The following L3MBTL4 variants were observed in gnomAD, a reference collection of about 807,000 sequenced individuals.
The protein encoded by L3MBTL4 is L3MBTL histone methyl-lysine binding protein 4.
Under a neutral mutation model 84.5 loss-of-function variants are expected in L3MBTL4, and 70 were observed. The observed-to-expected ratio is 0.83, with a 90% CI of 0.68 to 1.01. L3MBTL4 has a LOEUF of 1.01. L3MBTL4 is among the 50% of genes least tolerant of loss of function. The probability of loss-of-function intolerance (pLI) is 0.00; values close to 1 mark genes in which losing one functional copy is unlikely to be tolerated. For missense variants in L3MBTL4, 715 were observed against 754.8 expected, an observed-to-expected ratio of 0.95 and a Z score of 0.62; for synonymous variants, 274 against 259.8, an observed-to-expected ratio of 1.05 and a Z score of -0.52.
chr18:5,976,052 G>A (rs1392696878), intron 16 of L3MBTL4, among the ~76,000 whole-genome samples: 3 of 152,158 alleles, frequency 2.0e-5, no homozygotes, highest in Admixed American at 1.3e-4. Flanking sequence ...GTGGGCTATC[G>A]AGAGGGTTAG....
intron 12 of L3MBTL4, among the ~76,000 whole-genome samples, chr18:6,202,126 TG>T (rs1157537160): frequency 6.6e-6 from 1 of 152,208 alleles, no homozygotes; most frequent in African/African-American, 2.4e-5. Context: ...CAGCTGTTTC[TG>T]TACCTCCCTT....
At chr18:6,258,351 A>G (rs1212888078) in intron 5 of L3MBTL4, among the ~76,000 whole-genome samples, 1 of 152,224 alleles carries the variant, frequency 6.6e-6, no homozygotes, top group Non-Finnish European at 1.5e-5. Context: ...CCTACTCAGC[A>G]GTGCTTGGCA....
intron 14 of L3MBTL4, among the ~76,000 whole-genome samples, chr18:6,101,887 T>C (rs1010922540): frequency 4.6e-5 from 7 of 152,184 alleles, no homozygotes; most frequent in Non-Finnish European, 8.8e-5. Flanking sequence ...TATGTGCCCT[T>C]AGACCGAAGT....
At chr18:6,228,288 C>T (rs1224601727) in intron 10 of L3MBTL4, among the ~76,000 whole-genome samples, 2 of 152,084 alleles carry the variant, frequency 1.3e-5, no homozygotes, top group Non-Finnish European at 2.9e-5. Context: ...GTAAAACTCA[C>T]AAATATAAAA....
chr18:5,972,697 C>G (rs2052697401), intron 16 of L3MBTL4, among the ~76,000 whole-genome samples: 1 of 152,056 alleles, frequency 6.6e-6, no homozygotes, highest in African/African-American at 2.4e-5. Flanking sequence ...ATAGTCAGGT[C>G]TAGCTGAAAA....
chr18:6,008,274 G>C (rs537123969), intron 16 of L3MBTL4, among the ~76,000 whole-genome samples: 2 of 152,168 alleles, frequency 1.3e-5, no homozygotes, highest in Non-Finnish European at 2.9e-5. Flanking sequence ...TCTGCAGGAA[G>C]GCTGTGACCT....
Position 6,055,406 on chromosome 18 carries a change from C to A in L3MBTL4, c.1444+25475G>T, listed in dbSNP as rs149939752. On this transcript the variant is annotated intron_variant, in intron 16 of 18. Coordinates refer to ENST00000317931, the MANE Select transcript of L3MBTL4 (RefSeq NM_001330559.2). ...TGGGATAGAGGTGTAGGGTTCTATG[C>A]CCCAACCGTTAAGAGGAAGAACCAT... 6.6e-5 allele frequency among the ~76,000 whole-genome samples: 10 copies of A among 152,246 alleles called. No homozygotes were observed. The East Asian group carries it at 1.9e-3, about 29-fold the overall frequency.
In L3MBTL4 at chr18:6,295,058, G is replaced by A. The variant is rs546993922; in HGVS notation, c.127+6845C>T. ...GGAAGCCATTGTGGACAGTTCACGA[G>A]GTCAAGAGTTTGAGACCAGGCTGGA... On this transcript the variant is annotated intron_variant, in intron 4 of 18. Transcript: ENST00000317931. Among the ~76,000 whole-genome samples, 5 of 152,162 alleles carry A rather than the reference G, an allele frequency of 3.3e-5. No homozygotes were observed. In the South Asian group the frequency reaches 1.0e-3, roughly 32 times the overall value.
At chr18:6,370,609 C>T (rs187700519) in intron 1 of L3MBTL4, among the ~76,000 whole-genome samples, 2 of 152,316 alleles carry the variant, frequency 1.3e-5, no homozygotes, top group Admixed American at 6.5e-5. Context: ...ATCACACCCA[C>T]TACTGGTGGC....
intron 14 of L3MBTL4, among the ~76,000 whole-genome samples, chr18:6,103,911 G>A (rs889920683): frequency 5.3e-5 from 8 of 152,276 alleles, no homozygotes; most frequent in Middle Eastern, 3.4e-3. Context: ...TCAACTGCCT[G>A]GGCCGAGTGT....
intron 18 of L3MBTL4, 96 bp from the exon 19 acceptor site, chr18:5,956,483 C>A: frequency 9.0e-7 from 1 of 1,115,970 alleles, no homozygotes; most frequent in Non-Finnish European, 1.3e-6. Context: ...ATGTGGAACC[C>A]GTCATAGCCT....
intron 12 of L3MBTL4, among the ~76,000 whole-genome samples, chr18:6,198,999 T>C (rs1461947626): frequency 1.3e-5 from 2 of 152,198 alleles, no homozygotes; most frequent in Admixed American, 6.5e-5. Flanking sequence ...GTTTAACCAA[T>C]TTCTCCCCAC....
intron 16 of L3MBTL4, among the ~76,000 whole-genome samples, chr18:6,050,979 G>A (rs1271188667): frequency 6.6e-6 from 1 of 152,164 alleles, no homozygotes; most frequent in Admixed American, 6.5e-5. Context: ...GGTGCTGGTG[G>A]CAGCTGCCGC....
Position 6,237,951 on chromosome 18 carries a change from G to T in L3MBTL4, c.784+13C>A. ...AGAGATGACTTCAAAGAAAACCCAG[G>T]CAGTCCACTCACCTTGGGGTGCTAT... On this transcript the variant is annotated intron_variant, in intron 10 of 18. Coordinates refer to ENST00000317931, the MANE Select transcript of L3MBTL4 (RefSeq NM_001330559.2). 2 of 1,611,356 alleles carry T rather than the reference G, an allele frequency of 1.2e-6. No individual in the cohort carries two copies. Among genetic ancestry groups the T allele is most frequent in the Non-Finnish European group, 1.7e-6 (2 of 1,177,546 alleles).
chr18:6,065,205 G>C (rs934288877), intron 16 of L3MBTL4, among the ~76,000 whole-genome samples: 2 of 151,960 alleles, frequency 1.3e-5, no homozygotes, highest in Non-Finnish European at 2.9e-5. Flanking sequence ...AAATCTACTT[G>C]ATCATAATGT....
At chr18:6,240,679 G>T (rs992537575) in intron 8 of L3MBTL4, among the ~76,000 whole-genome samples, 1 of 152,070 alleles carries the variant, frequency 6.6e-6, no homozygotes, top group Non-Finnish European at 1.5e-5. Context: ...TATTTTTACA[G>T]CAACTTCACG....
intron 14 of L3MBTL4, among the ~76,000 whole-genome samples, chr18:6,124,432 TATTATATATATGTATATATAAAA>T (rs1045836354): frequency 8.5e-4 from 126 of 148,272 alleles, no homozygotes; most frequent in African/African-American, 2.8e-3. Flanking sequence ...ACAGTTATAT[TATTATATATATGTATATATAAAA>T]ATTATATATA....
rs1470944178 is a variant in L3MBTL4, at chr18:6,093,431, A to G, written c.1297T>C (p.Ser433Pro). ...EQTQANLESD[S>P]SHSKSKSLCS... Reference sequence around the variant, plus strand: ...AGGCTTTTTGATTTTGAATGTGAAGAGTCTGATTCCAAATTTGCCTGTGTT... The same window carrying G: ...AGGCTTTTTGATTTTGAATGTGAAGGGTCTGATTCCAAATTTGCCTGTGTT... The change falls in exon 15 of 19, where the codon TCT becomes CCT. Residue 433 changes from serine (S) to proline (P), a missense_variant. Transcript: ENST00000317931. 1.2e-6 allele frequency: 2 copies of G among 1,614,052 alleles called. No homozygotes were observed. The highest frequency in any genetic ancestry group is 1.7e-6 in the Non-Finnish European group (2 of 1,179,966).
intron 1 of L3MBTL4, among the ~76,000 whole-genome samples, chr18:6,339,076 T>C (rs2052481242): frequency 6.6e-6 from 1 of 152,154 alleles, no homozygotes; most frequent in African/African-American, 2.4e-5. Flanking sequence ...TCACTATCAA[T>C]AGCTTATAAA....
Sources: gnomAD v4.1 joint callset for allele counts (sites outside exome capture counted in the v4.1 genomes callset) on GRCh38, gnomAD v4.1.1 for gene constraint, MANE v1.5 for transcripts, NCBI Gene and HGNC (gene_info 2026-07-23, HGNC 2026-07-21) for gene names.